CNKSR2: variants seen among roughly 807,000 people sequenced by gnomAD.
The protein encoded by CNKSR2 is CNK homolog protein 2.
CNKSR2 carries 14 observed loss-of-function variants against 84.4 expected under a neutral mutation model. The ratio of observed to expected loss-of-function variants is 0.17; its 90% CI spans 0.11 to 0.26. CNKSR2 has a LOEUF of 0.26. Among genes scored for constraint, CNKSR2 ranks in the 10% least tolerant of loss-of-function variants. The probability of loss-of-function intolerance (pLI) is 1.00; values close to 1 mark genes in which losing one functional copy is unlikely to be tolerated. For missense variants in CNKSR2, 485 were observed against 771.2 expected (o/e 0.63, Z 4.40); for synonymous variants, 275 against 277.9 (o/e 0.99, Z 0.10).
At position 21,652,815 on chromosome X, in the gene CNKSR2, CA is replaced by C. The variant is rs1259290631; in HGVS notation, c.*298del. ...AGGTGGTCTTCAAGTAGTAAAACCACAAAAGGCAGTTTTCTATCTATGGTCA... is the reference window on the plus strand; with the variant it reads ...AGGTGGTCTTCAAGTAGTAAAACCACAAAGGCAGTTTTCTATCTATGGTCA... On this transcript the variant is annotated 3_prime_UTR_variant, in exon 22 of 22. Transcript: ENST00000379510. 4 of 202,799 alleles carry C rather than the reference CA, an allele frequency of 2.0e-5. No homozygotes were observed. In the East Asian group the frequency reaches 3.7e-4, roughly 19 times the overall value. 16.7% of individuals were successfully genotyped at this position (202,799 alleles called of 1,213,427 possible).
At chrX:21,468,243 TA>T (rs780999226) in intron 4 of CNKSR2, among the ~76,000 whole-genome samples, 1 of 111,154 alleles carries the variant, frequency 9.0e-6, no homozygotes, top group Non-Finnish European at 1.9e-5. Flanking sequence ...AAAATATGTC[TA>T]TTTTATATTG....
At chrX:21,412,126 G>A (rs1322881083) in intron 1 of CNKSR2, among the ~76,000 whole-genome samples, 1 of 111,552 alleles carries the variant, frequency 9.0e-6, no homozygotes, top group Non-Finnish European at 1.9e-5. Context: ...AAAAATATCA[G>A]GAGCATTAGG....
intron 8 of CNKSR2, among the ~76,000 whole-genome samples, chrX:21,514,386 T>C (rs1018997194): frequency 8.9e-6 from 1 of 111,872 alleles, no homozygotes; most frequent in Non-Finnish European, 1.9e-5. Flanking sequence ...TAAAATTAGA[T>C]ACCCAAATTT....
chrX:21,426,930 C>T (rs1265576294), intron 2 of CNKSR2: 2 of 312,086 alleles, frequency 6.4e-6, no homozygotes, highest in Non-Finnish European at 1.1e-5. Flanking sequence ...AAGCAGGGCT[C>T]TTCATAGATG....
chrX:21,482,479 T>G (rs1358526021), intron 5 of CNKSR2, among the ~76,000 whole-genome samples: 1 of 112,374 alleles, frequency 8.9e-6, no homozygotes, highest in Non-Finnish European at 1.9e-5. Context: ...TATAAGGATT[T>G]AAGTAATTAG....
intron 9 of CNKSR2, among the ~76,000 whole-genome samples, chrX:21,523,729 T>C (rs1451012744): frequency 1.8e-5 from 2 of 110,833 alleles, no homozygotes; most frequent in East Asian, 5.7e-4. Flanking sequence ...CTTAAATGGC[T>C]ATTGGTGATA....
chrX:21,447,564 G>C (rs748379076), intron 4 of CNKSR2, among the ~76,000 whole-genome samples: 2 of 111,072 alleles, frequency 1.8e-5, no homozygotes, highest in Non-Finnish European at 3.8e-5. Flanking sequence ...GGCTATTTTT[G>C]ATCCTCATGA....
chrX:21,435,232 T>C (rs1377470104), intron 3 of CNKSR2, among the ~76,000 whole-genome samples: 1 of 111,096 alleles, frequency 9.0e-6, no homozygotes, highest in Non-Finnish European at 1.9e-5. Context: ...CTGTTTATGG[T>C]AAAAGTTTAC....
chrX:21,600,943 G>T (rs1431325422), intron 17 of CNKSR2, among the ~76,000 whole-genome samples: 2 of 112,205 alleles, frequency 1.8e-5, no homozygotes, highest in South Asian at 3.7e-4. Flanking sequence ...AGGAGCATTT[G>T]CTCTGAAGAA....
intron 20 of CNKSR2, among the ~76,000 whole-genome samples, chrX:21,622,759 A>C (rs1337298875): frequency 8.9e-6 from 1 of 111,789 alleles, no homozygotes; most frequent in East Asian, 2.8e-4. Flanking sequence ...AATTACTTAC[A>C]TGTATTGATC....
intron 1 of CNKSR2, among the ~76,000 whole-genome samples, chrX:21,391,148 T>C (rs748503841): frequency 1.1e-3 from 123 of 112,660 alleles, no homozygotes; most frequent in African/African-American, 3.9e-3. Context: ...ACTGAGTGCC[T>C]ACGTCTTTTC....
At chrX:21,598,715 A>G (rs1016966169) in intron 17 of CNKSR2, among the ~76,000 whole-genome samples, 2 of 112,405 alleles carry the variant, frequency 1.8e-5, no homozygotes, top group Non-Finnish European at 3.8e-5. Context: ...AGCATTTGCT[A>G]CTATTTCACA....
intron 5 of CNKSR2, among the ~76,000 whole-genome samples, chrX:21,479,320 A>G (rs1419605076): frequency 8.9e-6 from 1 of 111,879 alleles, no homozygotes; most frequent in Non-Finnish European, 1.9e-5. Context: ...GTACACACAT[A>G]TATATCACAT....
intron 1 of CNKSR2, among the ~76,000 whole-genome samples, chrX:21,381,901 C>T (rs1223914273): frequency 1.8e-5 from 2 of 111,508 alleles, no homozygotes; most frequent in East Asian, 5.6e-4. Flanking sequence ...GTCCTAGTAC[C>T]ATGTATATCT....
At chrX:21,626,553 C>T (rs1187877684) in intron 20 of CNKSR2, among the ~76,000 whole-genome samples, 1 of 111,468 alleles carries the variant, frequency 9.0e-6, no homozygotes, top group African/African-American at 3.3e-5. Flanking sequence ...TGATACCCTC[C>T]CTTGACAAAT....
Position 21,640,422 on chromosome X carries a change from G to A in CNKSR2, c.2693-8409G>A, listed in dbSNP as rs146741717. ...AATATTCTAAAAACTGAGGTATTGT[G>A]TTTTGTTTCGTTTGACCTGTATATG... is the stretch of plus-strand genomic sequence containing the variant. On this transcript the variant is annotated intron_variant, in intron 20 of 21. Transcript: ENST00000379510. Among the ~76,000 whole-genome samples the A allele has an allele frequency of 4.5e-4, 50 of 111,288 alleles. No individual in the cohort carries two copies. The East Asian group carries it at 0.013, about 30-fold the overall frequency.
chrX:21,487,134 A>T (rs1831326650), intron 5 of CNKSR2, among the ~76,000 whole-genome samples: 1 of 112,208 alleles, frequency 8.9e-6, no homozygotes, highest in African/African-American at 3.2e-5. Context: ...GGTAAAGTCA[A>T]TGTGTTTACT....
chrX:21,389,328 G>T (rs2146962029), intron 1 of CNKSR2, among the ~76,000 whole-genome samples: 1 of 108,529 alleles, frequency 9.2e-6, no homozygotes, highest in South Asian at 4.1e-4. Context: ...AACAAGGTTG[G>T]TTCCTTAATG....
At chrX:21,490,242 A>G (rs899712262) in intron 5 of CNKSR2, among the ~76,000 whole-genome samples, 2 of 111,800 alleles carry the variant, frequency 1.8e-5, no homozygotes, top group Non-Finnish European at 3.8e-5. Context: ...ATATTTTGGC[A>G]TATAGTTCTT....
Sources: gnomAD v4.1 joint callset for allele counts (sites outside exome capture counted in the v4.1 genomes callset) on GRCh38, gnomAD v4.1.1 for gene constraint, MANE v1.5 for transcripts, NCBI Gene and HGNC (gene_info 2026-07-23, HGNC 2026-07-21) for gene names.